The following UNC13C variants were observed in gnomAD, a reference collection of about 807,000 sequenced individuals.
UNC13C encodes the protein protein unc-13 homolog C.
A neutral mutation model predicts 245.4 loss-of-function variants in UNC13C; 174 were observed. The observed-to-expected ratio is 0.71, with a 90% CI of 0.63 to 0.80. The LOEUF is 0.80. Ranked by LOEUF, UNC13C falls within the 30% of genes least tolerant of loss-of-function variation. The pLI is 0.00. For missense variants in UNC13C, 2,829 were observed against 2,602.9 expected (o/e 1.09, Z -1.89); for synonymous variants, 992 against 895.1 (o/e 1.11, Z -1.93).
At chr15:54,630,938 T>A (rs1021054257), downstream of UNC13C, 1 of 152,172 alleles carries the variant, frequency 6.6e-6, no homozygotes, top group African/African-American at 2.4e-5. Flanking sequence ...TTTTTCTCCC[T>A]TATTAGTACA....
intron 14 of UNC13C, among the ~76,000 whole-genome samples, chr15:54,327,621 A>G (rs986968828): frequency 4.6e-5 from 7 of 152,128 alleles, no homozygotes; most frequent in African/African-American, 1.4e-4. Flanking sequence ...CCAGAGCTCA[A>G]TTAGAGCTCA....
intron 30 of UNC13C, among the ~76,000 whole-genome samples, chr15:54,620,254 CTGAT>C (rs1900709171): frequency 6.6e-6 from 1 of 152,108 alleles, no homozygotes; most frequent in Non-Finnish European, 1.5e-5. Context: ...CCCTCAATAA[CTGAT>C]TGAAAAACAC....
intron 7 of UNC13C, among the ~76,000 whole-genome samples, chr15:54,238,319 T>A (rs1404616998): frequency 1.3e-5 from 2 of 152,070 alleles, no homozygotes; most frequent in African/African-American, 4.8e-5. Flanking sequence ...ATGATCTGCC[T>A]GCCTTGGCCT....
chr15:54,364,187 G>A (rs2039303311), intron 17 of UNC13C, among the ~76,000 whole-genome samples: 1 of 152,056 alleles, frequency 6.6e-6, no homozygotes, highest in East Asian at 1.9e-4. Flanking sequence ...ATAAATCCAT[G>A]TGTCTTGATA....
chr15:54,288,329 A>G (rs74015121), intron 10 of UNC13C, among the ~76,000 whole-genome samples: 3,836 of 152,176 alleles, frequency 0.025, 159 homozygotes, highest in African/African-American at 0.088. Flanking sequence ...TCATTTTATC[A>G]GTGCCTACAC....
the UNC13C span, among the ~76,000 whole-genome samples, chr15:53,868,708 G>A: frequency 0.017 from 2,591 of 152,222 alleles, 51 homozygotes; most frequent in East Asian, 0.083. Context: ...GGTCTGGAGG[G>A]AAAAAGTAAA....
chr15:53,908,181 A>G, the UNC13C span, among the ~76,000 whole-genome samples: 2 of 146,460 alleles, frequency 1.4e-5, no homozygotes, highest in South Asian at 4.5e-4. Context: ...TGTCCACAGC[A>G]TATCAGAAAC....
At chr15:53,935,283 G>A in the UNC13C span, among the ~76,000 whole-genome samples, 1 of 152,016 alleles carries the variant, frequency 6.6e-6, no homozygotes, top group Non-Finnish European at 1.5e-5. Context: ...TGTATGAAGG[G>A]CATTTCTCAG....
At chr15:54,259,334 A>T (rs11638408) in intron 8 of UNC13C, among the ~76,000 whole-genome samples, 65,233 of 152,106 alleles carry the variant, frequency 0.43, 14,622 homozygotes, top group African/African-American at 0.54. Flanking sequence ...TACCCAAGAC[A>T]GGGTAATTTA....
At chr15:54,123,484 C>A (rs1008236071) in intron 2 of UNC13C, among the ~76,000 whole-genome samples, 6 of 151,492 alleles carry the variant, frequency 4.0e-5, no homozygotes, top group African/African-American at 1.5e-4. Context: ...AGATATCTTG[C>A]AAAGAGCATA....
chr15:54,376,530 A>G (rs1012392643), intron 17 of UNC13C, among the ~76,000 whole-genome samples: 6 of 152,198 alleles, frequency 3.9e-5, no homozygotes, highest in African/African-American at 9.7e-5. Flanking sequence ...TTGTTACATG[A>G]AAGTCTAAAA....
At chr15:53,995,535 A>G (rs1022505490) in intron 1 of UNC13C, among the ~76,000 whole-genome samples, 2 of 130,884 alleles carry the variant, frequency 1.5e-5, no homozygotes, top group African/African-American at 2.9e-5. Context: ...CTGCTTAAGT[A>G]AAAACTTTGT....
the UNC13C span, among the ~76,000 whole-genome samples, chr15:53,873,886 C>T: frequency 2.0e-5 from 3 of 147,538 alleles, no homozygotes; most frequent in African/African-American, 7.6e-5. Flanking sequence ...TATCTCTTCT[C>T]TTCCTTCTCT....
intron 17 of UNC13C, among the ~76,000 whole-genome samples, chr15:54,376,552 T>C (rs958551982): frequency 6.6e-6 from 1 of 152,214 alleles, no homozygotes; most frequent in Non-Finnish European, 1.5e-5. Context: ...TCAGTCTGAC[T>C]GATACTCAAG....
the UNC13C span, among the ~76,000 whole-genome samples, chr15:53,933,331 G>T: frequency 6.6e-6 from 1 of 151,608 alleles, no homozygotes; most frequent in South Asian, 2.1e-4. Context: ...CTTCAATAAA[G>T]AAAAAACATC....
chr15:54,215,389 G>T (rs537034353), intron 4 of UNC13C, among the ~76,000 whole-genome samples: 1 of 151,856 alleles, frequency 6.6e-6, no homozygotes, highest in South Asian at 2.1e-4. Flanking sequence ...CATCAGGATA[G>T]TGTATCATTC....
chr15:54,142,272 T>C (rs986503422), intron 2 of UNC13C, among the ~76,000 whole-genome samples: 3 of 152,128 alleles, frequency 2.0e-5, no homozygotes, highest in African/African-American at 7.2e-5. Flanking sequence ...TTATCTTGCA[T>C]TGCATCTGAA....
Position 54,422,958 on chromosome 15 carries a change from T to TACACACAC in UNC13C, c.4933+7909_4933+7916dup, listed in dbSNP as rs35647420. Among the ~76,000 whole-genome samples, 265 of 145,996 alleles carry TACACACAC rather than the reference T, an allele frequency of 1.8e-3. 1 individual carries two copies. Among genetic ancestry groups the TACACACAC allele is most frequent in the African/African-American group, 6.3e-3 (249 of 39,656 alleles). ...AAAATACACTTCTACAGCAATATAG[T>TACACACAC]ACACACACACACACACACACACACA... is the stretch of plus-strand genomic sequence containing the variant. On this transcript the variant is annotated intron_variant, in intron 19 of 32. Transcript: ENST00000260323.
upstream of UNC13C, among the ~76,000 whole-genome samples, chr15:53,976,098 C>G (rs1465542852): frequency 6.6e-6 from 1 of 152,136 alleles, no homozygotes; most frequent in African/African-American, 2.4e-5. Context: ...AACATTTCTA[C>G]TAGGGATTTT....
Sources: allele counts gnomAD v4.1 joint callset (sites outside exome capture counted in the v4.1 genomes callset), GRCh38; gene constraint gnomAD v4.1.1; transcripts MANE v1.5; gene names NCBI Gene and HGNC (gene_info 2026-07-23, HGNC 2026-07-21).